The following ZMYND8 variants were observed in gnomAD, a reference collection of about 807,000 sequenced individuals.
ZMYND8 encodes MYND-type zinc finger-containing chromatin reader ZMYND8.
A neutral mutation model predicts 140.8 loss-of-function variants in ZMYND8; 37 were observed. The ratio of observed to expected loss-of-function variants is 0.26; its 90% CI spans 0.20 to 0.35. The LOEUF is 0.35. Among genes scored for constraint, ZMYND8 ranks in the 10% least tolerant of loss-of-function variants. The pLI is 1.00. For synonymous variants in ZMYND8, 592 were observed against 597.1 expected, an observed-to-expected ratio of 0.99 and a Z score of 0.12; for missense variants, 1,068 against 1,570.0, an observed-to-expected ratio of 0.68 and a Z score of 5.40.
Position 47,298,941 on chromosome 20 carries a change from G to C in ZMYND8, c.241C>G (p.Leu81Val). 6.2e-7 allele frequency: 1 copy of C among 1,613,842 alleles called. No homozygotes were observed. The highest frequency in any genetic ancestry group is 8.5e-7 in the Non-Finnish European group (1 of 1,179,752). The part of the protein sequence containing the change: ...LNSNNKEQSE[L>V]RHGPFYYMKQ... The stretch of plus-strand genomic sequence containing the variant: ...ATATAGTAAAACGGACCATGTCTTA[G>C]TTCTGACTGAAATGTAGGCAAAAAG... Residue 81 changes from leucine (L) to valine (V), a missense_variant, in exon 4 of 23, where the codon CTA (leucine) becomes GTA (valine). By Grantham distance (32) the Leu-to-Val change is conservative. Coordinates refer to ENST00000471951, the MANE Select transcript of ZMYND8 (RefSeq NM_001281775.3). The surrounding 1 kb of genome is among the most constrained non-coding windows in gnomAD (Gnocchi z 5.0).
chr20:47,253,329 G>C (rs999082578), intron 12 of ZMYND8, among the ~76,000 whole-genome samples: 12 of 152,050 alleles, frequency 7.9e-5, no homozygotes, highest in South Asian at 6.2e-4. Flanking sequence ...CTGAGGTCAG[G>C]AGTTCAAGAC....
At chr20:47,229,565 AG>A (rs2038193048) in intron 17 of ZMYND8, among the ~76,000 whole-genome samples, 160 bp downstream of exon 17, 1 of 152,210 alleles carries the variant, frequency 6.6e-6, no homozygotes, top group South Asian at 2.1e-4. Context: ...GTCTGGCTAA[AG>A]GAAAAAATAC....
intron 2 of ZMYND8, among the ~76,000 whole-genome samples, chr20:47,322,618 C>T (rs2080065931): frequency 6.6e-6 from 1 of 151,544 alleles, no homozygotes; most frequent in South Asian, 2.1e-4. Flanking sequence ...ACTATGTTGG[C>T]CAGGATGGTC....
intron 12 of ZMYND8, among the ~76,000 whole-genome samples, chr20:47,256,855 G>C (rs574802649): frequency 6.6e-6 from 1 of 152,276 alleles, no homozygotes; most frequent in East Asian, 1.9e-4. Flanking sequence ...GGGGTGTGAC[G>C]ACGTTCCCTG....
At chr20:47,255,738 A>ATATATATATATATATATATATATACGG (rs2074611544) in intron 12 of ZMYND8, among the ~76,000 whole-genome samples, 1 of 31,676 alleles carries the variant, frequency 3.2e-5, no homozygotes, top group South Asian at 1.2e-3. Flanking sequence ...ATATATATAT[A>ATATATATATATATATATATATATACGG]TATATATATA....
chr20:47,226,952 G>A (rs1306344185), intron 18 of ZMYND8, among the ~76,000 whole-genome samples: 5 of 152,150 alleles, frequency 3.3e-5, no homozygotes, highest in African/African-American at 7.2e-5. Context: ...GTGAGCTGCC[G>A]TGCCTGACCA....
rs1568979717 is a variant in ZMYND8, at chr20:47,246,427, T to C, written c.1865A>G (p.Tyr622Cys). ...AGACTTCTGCTCATCATCACTGATATACTCACTATCGCTACTATCTGACTT... is the reference window on the plus strand; with the variant it reads ...AGACTTCTGCTCATCATCACTGATACACTCACTATCGCTACTATCTGACTT... ...SEKSDSSDSEYISDDEQKSKN... is the reference protein window; with the variant it reads ...SEKSDSSDSECISDDEQKSKN... Residue 622 changes from tyrosine to cysteine, a missense_variant, in exon 14 of 23, where the codon TAT becomes TGT. Transcript: ENST00000471951. 2.5e-6 allele frequency: 4 copies of C among 1,614,130 alleles called. No homozygotes were observed. Among genetic ancestry groups the C allele is most frequent in the Non-Finnish European group, 1.7e-6 (2 of 1,180,034 alleles).
At chr20:47,275,475 C>T (rs2076199847) in intron 11 of ZMYND8, among the ~76,000 whole-genome samples, 1 of 142,514 alleles carries the variant, frequency 7.0e-6, no homozygotes, top group Non-Finnish European at 1.5e-5. Flanking sequence ...GTCTGGGTGA[C>T]AGAGCGAGAC....
At chr20:47,240,041 A>G (rs2039751450) in intron 14 of ZMYND8, among the ~76,000 whole-genome samples, 1 of 152,084 alleles carries the variant, frequency 6.6e-6, no homozygotes, top group Admixed American at 6.5e-5. Flanking sequence ...TTTTGAGACC[A>G]GCCTGACCAA....
At chr20:47,307,905 G>A (rs1361795077) in intron 3 of ZMYND8, among the ~76,000 whole-genome samples, 2 of 151,830 alleles carry the variant, frequency 1.3e-5, no homozygotes, top group African/African-American at 4.8e-5. Flanking sequence ...GGATCACAAG[G>A]TCAGGAGTTC....
chr20:47,229,301 G>A (rs1179969502), intron 17 of ZMYND8, among the ~76,000 whole-genome samples: 2 of 151,978 alleles, frequency 1.3e-5, no homozygotes, highest in Admixed American at 1.3e-4. Flanking sequence ...CACAGCCAAT[G>A]AAATGTCTTA....
chr20:47,222,509 C>T (rs933767522), intron 19 of ZMYND8, among the ~76,000 whole-genome samples: 2 of 151,918 alleles, frequency 1.3e-5, no homozygotes, highest in Non-Finnish European at 2.9e-5. Flanking sequence ...GCACTCCAGC[C>T]TGGGAGAAAG....
intron 11 of ZMYND8, among the ~76,000 whole-genome samples, chr20:47,265,051 T>TAC (rs1175187283): frequency 1.9e-5 from 2 of 105,374 alleles, no homozygotes; most frequent in Non-Finnish European, 3.6e-5. Context: ...AAAATATATA[T>TAC]ACATATATAT....
chr20:47,249,242 TAAC>T (rs2073974299), intron 13 of ZMYND8, 42 bp downstream of exon 13: 2 of 1,593,942 alleles, frequency 1.3e-6, no homozygotes, highest in African/African-American at 2.7e-5. Context: ...CCAGTAATGA[TAAC>T]AATGATACTG....
At chr20:47,337,065 G>A (rs1219498303) in intron 2 of ZMYND8, among the ~76,000 whole-genome samples, 1 of 151,784 alleles carries the variant, frequency 6.6e-6, no homozygotes, top group Non-Finnish European at 1.5e-5. Flanking sequence ...AAAAATCAAA[G>A]GGCCAGCCAG....
chr20:47,337,208 C>T (rs923459608), intron 2 of ZMYND8, among the ~76,000 whole-genome samples: 2 of 151,924 alleles, frequency 1.3e-5, no homozygotes, highest in South Asian at 2.1e-4. Flanking sequence ...AAAAATTAGC[C>T]GGGCGTGGTG....
intron 2 of ZMYND8, among the ~76,000 whole-genome samples, chr20:47,325,207 T>C (rs535472306): frequency 6.6e-6 from 1 of 152,278 alleles, no homozygotes; most frequent in Admixed American, 6.5e-5. Context: ...ACCTGGCCCA[T>C]AGTTGAAAAT....
intron 11 of ZMYND8, among the ~76,000 whole-genome samples, chr20:47,268,310 T>C (rs1408088228): frequency 5.7e-5 from 6 of 105,028 alleles, no homozygotes; most frequent in Non-Finnish European, 9.5e-5. Context: ...TTTTTTTTTT[T>C]CAGAAGGGAG....
At chr20:47,334,066 A>G (rs2081192833) in intron 2 of ZMYND8, among the ~76,000 whole-genome samples, 1 of 152,202 alleles carries the variant, frequency 6.6e-6, no homozygotes. Flanking sequence ...AGTTAGGCAA[A>G]ATCATCTAAT....
Sources: allele counts gnomAD v4.1 joint callset (sites outside exome capture counted in the v4.1 genomes callset), GRCh38; gene constraint gnomAD v4.1.1; non-coding constraint Gnocchi (gnomAD v3.1); transcripts MANE v1.5; gene names NCBI Gene and HGNC (gene_info 2026-07-23, HGNC 2026-07-21).